The following EYS variants were observed in gnomAD, a reference collection of about 807,000 sequenced individuals.
EYS encodes the protein protein eyes shut homolog.
In EYS, 250 loss-of-function variants were observed where a neutral mutation model predicts 282.1. The ratio of observed to expected loss-of-function variants is 0.89; its 90% CI spans 0.80 to 0.98. The LOEUF is 0.98. Among genes scored for constraint, EYS ranks in the 50% least tolerant of loss-of-function variants. The pLI, the probability that EYS is intolerant of heterozygous loss-of-function variation, is 0.00. For missense variants in EYS, 4,016 were observed against 3,709.0 expected (o/e 1.08, Z -2.15); for synonymous variants, 1,355 against 1,282.9 (o/e 1.06, Z -1.20).
chr6:64,755,913 T>C (rs940223688), intron 22 of EYS, among the ~76,000 whole-genome samples: 2 of 152,188 alleles, frequency 1.3e-5, no homozygotes, highest in South Asian at 2.1e-4. Context: ...GATAAATTTA[T>C]AGTTCATTTA....
chr6:64,241,657 T>TGTGTGTG (rs1562268367), intron 30 of EYS, among the ~76,000 whole-genome samples: 1 of 149,154 alleles, frequency 6.7e-6, no homozygotes, highest in African/African-American at 2.5e-5. Context: ...TTGAAGGTTT[T>TGTGTGTG]TGTGTGTGTG....
chr6:65,466,377 A>G (rs1173939491), intron 5 of EYS, among the ~76,000 whole-genome samples: 1 of 152,182 alleles, frequency 6.6e-6, no homozygotes, highest in African/African-American at 2.4e-5. Context: ...AAAGAAATAA[A>G]TCCTCAAAAT....
At chr6:65,146,899 C>CT (rs1301673955) in intron 12 of EYS, among the ~76,000 whole-genome samples, 1 of 151,858 alleles carries the variant, frequency 6.6e-6, no homozygotes, top group Non-Finnish European at 1.5e-5. Flanking sequence ...ATATGGGTGT[C>CT]TTTTTTCTGT....
At chr6:63,819,951 T>G (rs1396122773) in intron 36 of EYS, among the ~76,000 whole-genome samples, 1 of 152,184 alleles carries the variant, frequency 6.6e-6, no homozygotes, top group Non-Finnish European at 1.5e-5. Context: ...TTTGTAGCCA[T>G]GGGGAAATGA....
intron 35 of EYS, among the ~76,000 whole-genome samples, chr6:63,893,158 G>A (rs1197616360): frequency 6.6e-6 from 1 of 152,162 alleles, no homozygotes; most frequent in Non-Finnish European, 1.5e-5. Context: ...CCTTGTGGAA[G>A]ACACTGTGGC....
chr6:64,277,665 G>T (rs990107941), intron 30 of EYS, among the ~76,000 whole-genome samples: 1 of 152,078 alleles, frequency 6.6e-6, no homozygotes, highest in Non-Finnish European at 1.5e-5. Context: ...AGTTTATCTT[G>T]TACACCATAA....
rs145582904 is a variant in EYS at position 65,131,919 on chromosome 6, G to C, written c.2024-74192C>G. Among the ~76,000 whole-genome samples the C allele has an allele frequency of 1.6e-4, 25 of 151,846 alleles. 2 individuals are homozygous for C. Among genetic ancestry groups the C allele is most frequent in the African/African-American group, 5.3e-4 (22 of 41,492 alleles). ...TGACCCCACAGAAATAAAAATAACT[G>C]TCAGAAACTACCATGAACACCTCTA... On this transcript the variant is annotated intron_variant, in intron 12 of 42. Transcript: ENST00000503581.
At chr6:65,676,886 G>A (rs1768622776) in intron 1 of EYS, among the ~76,000 whole-genome samples, 1 of 151,490 alleles carries the variant, frequency 6.6e-6, no homozygotes, top group Non-Finnish European at 1.5e-5. Context: ...CAGGGATGAA[G>A]GGACTGTTCA....
chr6:64,376,719 T>C (rs1772572032), intron 29 of EYS, among the ~76,000 whole-genome samples: 6 of 152,208 alleles, frequency 3.9e-5, no homozygotes, highest in Admixed American at 3.9e-4. Flanking sequence ...ACAGGCACTT[T>C]AGACTAATTG....
chr6:64,169,236 T>C (rs1352319020), intron 31 of EYS, among the ~76,000 whole-genome samples: 1 of 152,100 alleles, frequency 6.6e-6, no homozygotes, highest in Non-Finnish European at 1.5e-5. Flanking sequence ...GGTCAACTTA[T>C]AGAGAAGTTT....
chr6:65,331,705 C>T, intron 11 of EYS: 2 of 980,974 alleles, frequency 2.0e-6, no homozygotes, highest in Non-Finnish European at 1.2e-6. Flanking sequence ...AATAAAAAAG[C>T]TTCTGAAAAT....
chr6:64,166,117 C>T (rs928438929), intron 31 of EYS, among the ~76,000 whole-genome samples: 2 of 152,170 alleles, frequency 1.3e-5, no homozygotes, highest in Non-Finnish European at 2.9e-5. Context: ...TCAATTGCTT[C>T]TTTAATCAGA....
At chr6:65,239,104 T>C (rs1216249703) in intron 12 of EYS, among the ~76,000 whole-genome samples, 14 of 152,016 alleles carry the variant, frequency 9.2e-5, no homozygotes, top group African/African-American at 3.4e-4. Flanking sequence ...CTCCATTACA[T>C]TTCTGGTTTA....
rs1357220764 is a variant in EYS at position 63,721,117 on chromosome 6, A to C, written c.8914T>G (p.Tyr2972Asp). 6.4e-7 allele frequency: 1 copy of C among 1,551,288 alleles called. No individual in the cohort carries two copies. The highest frequency in any genetic ancestry group is 8.7e-7 in the Non-Finnish European group (1 of 1,146,772). Reference sequence around the variant, plus strand: ...GTGAACTGGAGGTTTCTCATTCTATAATTTGGATCAATGTATTTAATGTAA... The same window carrying C: ...GTGAACTGGAGGTTTCTCATTCTATCATTTGGATCAATGTATTTAATGTAA... ...NSYIKYIDPN[Y>D]RMRNLQFTTI... Residue 2972 changes from tyrosine (Y) to aspartate (D), a missense_variant, in exon 43 of 43, where the codon TAT becomes GAT. Tyr to Asp is a radical substitution (Grantham distance 160, BLOSUM62 -3). Coordinates refer to ENST00000503581, the MANE Select transcript of EYS (RefSeq NM_001142800.2).
At chr6:65,150,101 G>A (rs747083233) in intron 12 of EYS, among the ~76,000 whole-genome samples, 10 of 151,994 alleles carry the variant, frequency 6.6e-5, no homozygotes, top group African/African-American at 9.7e-5. Context: ...TCCTTCCCAT[G>A]ACACATGGGG....
At chr6:64,600,703 C>G (rs1766735852) in intron 24 of EYS, among the ~76,000 whole-genome samples, 1 of 152,078 alleles carries the variant, frequency 6.6e-6, no homozygotes. Context: ...ACATTTTCCA[C>G]TGAATGGCCG....
At position 63,721,533 on chromosome 6, in the gene EYS, T is replaced by C; in HGVS notation, c.8498A>G (p.Asn2833Ser). The change falls in exon 43 of 43, where the codon AAT becomes AGT. Residue 2833 changes from asparagine to serine, a missense_variant. Physicochemically the swap from Asn to Ser is conservative, Grantham distance 46 (BLOSUM62 1). Transcript: ENST00000503581. Reference sequence around the variant, plus strand: ...AGGTTCATTTTCTATTGCCATGGGATTTACAAGATTTAAAGAAGATACTCC... The same window carrying C: ...AGGTTCATTTTCTATTGCCATGGGACTTACAAGATTTAAAGAAGATACTCC... ...IGGVSSLNLV[N>S]PMAIENEPVG... The C allele has an allele frequency of 1.3e-6, 2 of 1,551,624 alleles. No homozygotes were observed. Among genetic ancestry groups the C allele is most frequent in the South Asian group, 2.4e-5 (2 of 84,060 alleles).
chr6:65,106,900 G>A (rs1001511297), intron 12 of EYS, among the ~76,000 whole-genome samples: 1 of 152,016 alleles, frequency 6.6e-6, no homozygotes, highest in African/African-American at 2.4e-5. Context: ...TTTATAGATA[G>A]ATGGCCACTA....
intron 13 of EYS, among the ~76,000 whole-genome samples, chr6:65,049,320 A>G (rs965207867): frequency 5.3e-5 from 8 of 151,800 alleles, no homozygotes; most frequent in Non-Finnish European, 1.2e-4. Context: ...AGGTCTTTGA[A>G]TTCCCACAGG....
Sources: allele counts gnomAD v4.1 joint callset (sites outside exome capture counted in the v4.1 genomes callset), GRCh38; gene constraint gnomAD v4.1.1; transcripts MANE v1.5; gene names NCBI Gene and HGNC (gene_info 2026-07-23, HGNC 2026-07-21).